TM2D1: variants seen among roughly 807,000 people sequenced by gnomAD.
TM2D1 encodes the protein TM2 domain-containing protein 1.
In TM2D1, 15 loss-of-function variants were observed where a neutral mutation model predicts 28.4. The ratio of observed to expected loss-of-function variants is 0.53; its 90% CI spans 0.35 to 0.81. The LOEUF (loss-of-function observed/expected upper bound fraction) is 0.81. Among genes scored for constraint, TM2D1 ranks in the 40% least tolerant of loss-of-function variants. The pLI, the probability that TM2D1 is intolerant of heterozygous loss-of-function variation, is 0.01. For synonymous variants in TM2D1, 93 were observed against 96.2 expected (o/e 0.97, Z 0.20); for missense variants, 236 against 254.9 (o/e 0.93, Z 0.50).
chr1:61,721,888 C>T (rs1038786144), intron 2 of TM2D1, among the ~76,000 whole-genome samples: 5 of 140,568 alleles, frequency 3.6e-5, no homozygotes, highest in Admixed American at 1.5e-4. Context: ...AGCAAGAGAA[C>T]TGCTTGAGCC....
At chr1:61,722,147 G>C (rs1316946911) in intron 2 of TM2D1, among the ~76,000 whole-genome samples, 1 of 151,728 alleles carries the variant, frequency 6.6e-6, no homozygotes, top group Admixed American at 6.6e-5. Flanking sequence ...TTAGCTGGGC[G>C]TGGTGACGCA....
At chr1:61,690,096 C>T (rs1021831265) in intron 5 of TM2D1, among the ~76,000 whole-genome samples, 1 of 152,168 alleles carries the variant, frequency 6.6e-6, no homozygotes, top group African/African-American at 2.4e-5. Context: ...ACTGAACCTG[C>T]TGGTGTCTTG....
At chr1:61,710,487 C>CACAT (rs1488365433) in intron 2 of TM2D1, among the ~76,000 whole-genome samples, 2 of 90,768 alleles carry the variant, frequency 2.2e-5, no homozygotes, top group Non-Finnish European at 4.1e-5. Context: ...CACACACACA[C>CACAT]ACACATATAC....
At chr1:61,692,944 T>C (rs1644339614) in intron 5 of TM2D1, among the ~76,000 whole-genome samples, 1 of 152,170 alleles carries the variant, frequency 6.6e-6, no homozygotes, top group Non-Finnish European at 1.5e-5. Flanking sequence ...AGAAGATCTT[T>C]AAGTTAAACA....
At position 61,706,606 on chromosome 1, in the gene TM2D1, C is replaced by T. The variant is rs1433349720; in HGVS notation, c.347+2723G>A. Among the ~76,000 whole-genome samples, 4 of 151,848 alleles carry T rather than the reference C, an allele frequency of 2.6e-5. No individual in the cohort carries two copies. In the East Asian group the frequency reaches 5.9e-4, roughly 22 times the overall value. ...GGTGGATCACCTGAGGTCAGGAGTTCGAGACCAGCCTGACAAACATGGAGA... is the reference window on the plus strand; with the variant it reads ...GGTGGATCACCTGAGGTCAGGAGTTTGAGACCAGCCTGACAAACATGGAGA... On this transcript the variant is annotated intron_variant, in intron 3 of 6. Coordinates refer to ENST00000606498, the MANE Select transcript of TM2D1 (RefSeq NM_032027.3).
intron 5 of TM2D1, 60 bp downstream of exon 5, chr1:61,694,637 A>G: frequency 8.9e-7 from 1 of 1,120,968 alleles, no homozygotes; most frequent in South Asian, 1.4e-5. Flanking sequence ...ATAGAACAGG[A>G]GATCACAGAA....
At chr1:61,713,323 A>G (rs1430630678) in intron 2 of TM2D1, among the ~76,000 whole-genome samples, 1 of 151,344 alleles carries the variant, frequency 6.6e-6, no homozygotes, top group African/African-American at 2.4e-5. Flanking sequence ...TCAAAAATAC[A>G]AAAAATTAGC....
chr1:61,705,918 A>T (rs1405136938), intron 3 of TM2D1, among the ~76,000 whole-genome samples: 1 of 152,200 alleles, frequency 6.6e-6, no homozygotes, highest in Non-Finnish European at 1.5e-5. Context: ...TGCAATACTA[A>T]GATGAAATTT....
chr1:61,690,065 A>G (rs1329127772), intron 5 of TM2D1, among the ~76,000 whole-genome samples: 1 of 152,208 alleles, frequency 6.6e-6, no homozygotes, highest in Non-Finnish European at 1.5e-5. Flanking sequence ...CCATCTATGA[A>G]GCAGAGAGTC....
intron 5 of TM2D1, among the ~76,000 whole-genome samples, chr1:61,685,645 G>GC (rs143768736): frequency 0.02 from 3,025 of 152,292 alleles, 45 homozygotes; most frequent in Non-Finnish European, 0.032. Context: ...GCACATGTGT[G>GC]CCACACACCA....
intron 2 of TM2D1, among the ~76,000 whole-genome samples, chr1:61,722,717 T>C (rs549850537): frequency 3.0e-4 from 46 of 152,330 alleles, no homozygotes; most frequent in African/African-American, 1.1e-3. Context: ...AACTTATAAA[T>C]ATCCTTTGAT....
intron 2 of TM2D1, among the ~76,000 whole-genome samples, chr1:61,719,904 C>T (rs983710826): frequency 6.6e-6 from 1 of 152,174 alleles, no homozygotes; most frequent in Non-Finnish European, 1.5e-5. Flanking sequence ...CACTAATTTA[C>T]AGTCAGAAGT....
At chr1:61,701,769 A>C (rs953886243) in intron 3 of TM2D1, among the ~76,000 whole-genome samples, 6 of 152,188 alleles carry the variant, frequency 3.9e-5, no homozygotes, top group Admixed American at 1.3e-4. Context: ...TTAGAAGGCA[A>C]TGCAAAAACT....
chr1:61,705,061 A>G (rs1001835891), intron 3 of TM2D1, among the ~76,000 whole-genome samples: 2 of 152,242 alleles, frequency 1.3e-5, no homozygotes, highest in Non-Finnish European at 2.9e-5. Flanking sequence ...CTTGTAACAG[A>G]TAAGTATTAT....
At chr1:61,685,937 C>A (rs1316755640) in intron 5 of TM2D1, among the ~76,000 whole-genome samples, 3 of 152,282 alleles carry the variant, frequency 2.0e-5, no homozygotes, top group Non-Finnish European at 4.4e-5. Flanking sequence ...TGCTTGAGCC[C>A]AGGAGTTCAA....
chr1:61,687,232 G>C (rs1236516418), intron 5 of TM2D1, among the ~76,000 whole-genome samples: 1 of 152,086 alleles, frequency 6.6e-6, no homozygotes. Context: ...AAGTATATTA[G>C]AGGTTACCAG....
At chr1:61,707,619 T>C (rs1644450397) in intron 3 of TM2D1, among the ~76,000 whole-genome samples, 1 of 152,246 alleles carries the variant, frequency 6.6e-6, no homozygotes, top group Admixed American at 6.5e-5. Flanking sequence ...TGCAAACTAT[T>C]CTTTTTTAAT....
At chr1:61,708,973 C>T (rs527292165) in intron 3 of TM2D1, among the ~76,000 whole-genome samples, 13 of 151,976 alleles carry the variant, frequency 8.6e-5, no homozygotes, top group Non-Finnish European at 1.9e-4. Flanking sequence ...GAGACCAGCG[C>T]TGGGAAACAT....
At position 61,705,455 on chromosome 1, in the gene TM2D1, G is replaced by A. The variant is rs558870353; in HGVS notation, c.347+3874C>T. On this transcript the variant is annotated intron_variant, in intron 3 of 6. Transcript: ENST00000606498. ...CCCGCCTCAGCCTCCCAAAGTGCTG[G>A]GATTACAGGAGTGAGCCACCACACC... Among the ~76,000 whole-genome samples the A allele has an allele frequency of 5.3e-5, 8 of 152,186 alleles. No individual in the cohort carries two copies. In the South Asian group the frequency reaches 1.2e-3, roughly 24 times the overall value.
Sources: allele counts gnomAD v4.1 joint callset (sites outside exome capture counted in the v4.1 genomes callset), GRCh38; gene constraint gnomAD v4.1.1; transcripts MANE v1.5; gene names NCBI Gene and HGNC (gene_info 2026-07-23, HGNC 2026-07-21).